TENM1: variants seen among roughly 807,000 people sequenced by gnomAD.
TENM1 encodes the protein teneurin-1.
TENM1 carries 35 observed loss-of-function variants against 174.8 expected under a neutral mutation model. That is an observed-to-expected ratio of 0.20 (90% CI 0.15 to 0.27). The LOEUF is 0.27. TENM1 is among the 10% of genes least tolerant of loss of function. TENM1 has a pLI of 1.00. For missense variants in TENM1, 1,633 were observed against 2,130.1 expected, an observed-to-expected ratio of 0.77 and a Z score of 4.59; for synonymous variants, 781 against 798.7, an observed-to-expected ratio of 0.98 and a Z score of 0.37.
the TENM1 span, among the ~76,000 whole-genome samples, chrX:125,110,909 G>A: frequency 8.9e-6 from 1 of 111,764 alleles, no homozygotes; most frequent in South Asian, 3.7e-4. Context: ...GTGGCAGAAG[G>A]CTGTAAGATT....
chrX:125,021,048 CTA>C, the TENM1 span, among the ~76,000 whole-genome samples: 3 of 110,944 alleles, frequency 2.7e-5, no homozygotes, highest in South Asian at 1.1e-3. Context: ...CCAACATTTT[CTA>C]TATGACTAGT....
intron 7 of TENM1, 121 bp from the exon 11 acceptor site, chrX:124,652,245 G>A: frequency 2.2e-6 from 2 of 896,480 alleles, no homozygotes; most frequent in Non-Finnish European, 3.0e-6. Flanking sequence ...ATTGGAAGAG[G>A]AGGTTATCAA....
intron 23 of TENM1, among the ~76,000 whole-genome samples, chrX:124,441,591 C>T (rs1052510370): frequency 9.0e-6 from 1 of 111,712 alleles, no homozygotes; most frequent in Non-Finnish European, 1.9e-5. Flanking sequence ...GGCTGTGACT[C>T]GTGGTTTGAC....
chrX:124,993,369 C>G, the TENM1 span, among the ~76,000 whole-genome samples: 10 of 110,956 alleles, frequency 9.0e-5, no homozygotes, highest in Non-Finnish European at 1.9e-5. Context: ...TTGCCGTAGT[C>G]TATATACTCA....
the TENM1 span, among the ~76,000 whole-genome samples, chrX:125,184,021 G>A: frequency 8.9e-6 from 1 of 111,842 alleles, no homozygotes; most frequent in Admixed American, 9.5e-5. Context: ...GATGAGAAAC[G>A]TATTACTAAT....
At chrX:124,494,377 A>G (rs1326976573) in intron 20 of TENM1, among the ~76,000 whole-genome samples, 1 of 111,637 alleles carries the variant, frequency 9.0e-6, no homozygotes, top group Non-Finnish European at 1.9e-5. Flanking sequence ...AATGTTCCAG[A>G]GGCATGTGTC....
the TENM1 span, among the ~76,000 whole-genome samples, chrX:125,149,964 A>C: frequency 3.6e-5 from 4 of 111,504 alleles, no homozygotes; most frequent in Non-Finnish European, 5.6e-5. Flanking sequence ...CTATTGTTTC[A>C]GTAACCAACA....
chrX:124,540,294 T>C (rs1244557426), intron 15 of TENM1, among the ~76,000 whole-genome samples: 1 of 111,827 alleles, frequency 8.9e-6, no homozygotes, highest in Non-Finnish European at 1.9e-5. Context: ...AAAAATGAAT[T>C]GATATTAGGG....
At chrX:124,676,601 A>G (rs1401182037) in intron 5 of TENM1, among the ~76,000 whole-genome samples, 1 of 107,936 alleles carries the variant, frequency 9.3e-6, no homozygotes, top group Non-Finnish European at 1.9e-5. Flanking sequence ...CAGGTAATGA[A>G]TGGATTGTCT....
At chrX:124,450,252 C>T (rs972177830) in intron 23 of TENM1, among the ~76,000 whole-genome samples, 5 of 109,007 alleles carry the variant, frequency 4.6e-5, no homozygotes, top group South Asian at 4.0e-4. Context: ...CCCAGCTACT[C>T]GGGAGGCTGA....
At chrX:124,504,692 T>C (rs2047407107) in intron 18 of TENM1, among the ~76,000 whole-genome samples, 1 of 111,667 alleles carries the variant, frequency 9.0e-6, no homozygotes. Context: ...TTCGAGTACC[T>C]GCCTCTGCCT....
chrX:125,133,724 C>T, the TENM1 span, among the ~76,000 whole-genome samples: 9 of 111,741 alleles, frequency 8.1e-5, no homozygotes, highest in East Asian at 2.5e-3. Flanking sequence ...TGGCTACTGT[C>T]ATCAAACTAG....
At chrX:125,091,706 G>A in the TENM1 span, among the ~76,000 whole-genome samples, 1 of 110,997 alleles carries the variant, frequency 9.0e-6, no homozygotes, top group Non-Finnish European at 1.9e-5. Flanking sequence ...ACCTAGGAGA[G>A]GCCGGGCATG....
intron 3 of TENM1, among the ~76,000 whole-genome samples, chrX:124,839,940 T>C (rs954685545): frequency 9.0e-6 from 1 of 111,038 alleles, no homozygotes; most frequent in African/African-American, 3.3e-5. Flanking sequence ...CAGGAGTGGA[T>C]AGGGCACAGG....
chrX:124,978,074 C>T, the TENM1 span, among the ~76,000 whole-genome samples: 1 of 106,263 alleles, frequency 9.4e-6, no homozygotes, highest in East Asian at 3.2e-4. Context: ...GATCAATCTT[C>T]AAGTCAGCTG....
At chrX:125,182,409 T>C in the TENM1 span, among the ~76,000 whole-genome samples, 1 of 87,683 alleles carries the variant, frequency 1.1e-5, no homozygotes, top group Non-Finnish European at 2.1e-5. Flanking sequence ...ACATGCCATA[T>C]TCACAGGTTT....
the TENM1 span, among the ~76,000 whole-genome samples, chrX:125,178,220 T>C: frequency 9.0e-6 from 1 of 111,699 alleles, no homozygotes; most frequent in African/African-American, 3.3e-5. Flanking sequence ...CATATTAAGA[T>C]GATTCTACAG....
At chrX:124,629,268 G>C (rs1370352553) in intron 11 of TENM1, among the ~76,000 whole-genome samples, 2 of 112,084 alleles carry the variant, frequency 1.8e-5, no homozygotes, top group Admixed American at 1.9e-4. Flanking sequence ...CTTGTTAACT[G>C]ACTTTCCAGT....
the TENM1 span, among the ~76,000 whole-genome samples, chrX:125,125,769 ATAGT>A: frequency 1.3e-4 from 15 of 112,047 alleles, no homozygotes; most frequent in East Asian, 1.7e-3. Flanking sequence ...CTCCCACAAC[ATAGT>A]TAGTAACTTA....
Sources: gnomAD v4.1 joint callset for allele counts (sites outside exome capture counted in the v4.1 genomes callset) on GRCh38, gnomAD v4.1.1 for gene constraint, MANE v1.5 for transcripts, NCBI Gene and HGNC (gene_info 2026-07-23, HGNC 2026-07-21) for gene names.